ABI3BP: variants seen among roughly 807,000 people sequenced by gnomAD.
The protein encoded by ABI3BP is target of Nesh-SH3.
Under a neutral mutation model 268.6 loss-of-function variants are expected in ABI3BP, and 216 were observed. The observed-to-expected ratio is 0.80, with a 90% CI of 0.72 to 0.90. The LOEUF is 0.90. Among genes scored for constraint, ABI3BP ranks in the 40% least tolerant of loss-of-function variants. The probability of loss-of-function intolerance (pLI) is 0.00; values close to 1 mark genes in which losing one functional copy is unlikely to be tolerated. For missense variants in ABI3BP, 2,090 were observed against 2,182.4 expected (o/e 0.96, Z 0.84); for synonymous variants, 730 against 730.0 (o/e 1.00, Z 0.00).
intron 20 of ABI3BP, among the ~76,000 whole-genome samples, chr3:100,842,472 C>T (rs889337138): frequency 1.3e-5 from 2 of 152,150 alleles, no homozygotes; most frequent in Admixed American, 6.5e-5. Flanking sequence ...CTGGACCTGA[C>T]GTTCTCTCAC....
At chr3:100,880,148 T>C (rs1041305593) in intron 6 of ABI3BP, among the ~76,000 whole-genome samples, 6 of 152,232 alleles carry the variant, frequency 3.9e-5, no homozygotes, top group Non-Finnish European at 5.9e-5. Flanking sequence ...CAGCTATTAA[T>C]GTACATCAGA....
intron 53 of ABI3BP, among the ~76,000 whole-genome samples, chr3:100,795,228 C>T (rs891549893): frequency 1.3e-5 from 2 of 152,034 alleles, no homozygotes; most frequent in Non-Finnish European, 2.9e-5. Context: ...TTGAACCAAT[C>T]CATCAGAATG....
chr3:100,838,528 A>G, intron 24 of ABI3BP, 64 bp from the exon 25 acceptor site: 2 of 1,278,988 alleles, frequency 1.6e-6, no homozygotes, highest in Non-Finnish European at 2.2e-6. Flanking sequence ...AATTAAGGAC[A>G]ATTATGCAGA....
At chr3:100,876,412 A>T in intron 7 of ABI3BP, 100 bp downstream of exon 7, 1 of 1,107,282 alleles carries the variant, frequency 9.0e-7, no homozygotes, top group Non-Finnish European at 1.3e-6. Context: ...CAAAAAAAAA[A>T]TCAATTAAAA....
At chr3:100,926,944 A>T (rs767492864) in intron 1 of ABI3BP, among the ~76,000 whole-genome samples, 15 of 152,148 alleles carry the variant, frequency 9.9e-5, no homozygotes, top group Admixed American at 5.9e-4. Context: ...TTTTTGTCTT[A>T]GGGATAACTG....
intron 1 of ABI3BP, among the ~76,000 whole-genome samples, chr3:100,984,420 A>C: frequency 6.6e-6 from 1 of 152,186 alleles, no homozygotes; most frequent in East Asian, 1.9e-4. Flanking sequence ...AAGATGCTTG[A>C]AGTGGGTGAA....
intron 14 of ABI3BP, among the ~76,000 whole-genome samples, chr3:100,853,491 C>T (rs538547121): frequency 1.1e-4 from 17 of 152,206 alleles, no homozygotes; most frequent in Non-Finnish European, 2.4e-4. Context: ...AATCCTCTCA[C>T]ACTAGGTAAG....
At chr3:100,909,491 G>C (rs2055224996) in intron 2 of ABI3BP, among the ~76,000 whole-genome samples, 1 of 152,040 alleles carries the variant, frequency 6.6e-6, no homozygotes, top group Admixed American at 6.6e-5. Flanking sequence ...CTACAGAATG[G>C]GAGAAAGTTT....
chr3:100,922,553 T>TGATGGTGATGGTGATGGC lies in ABI3BP; in HGVS notation c.259+3748_259+3749insGCCATCACCATCACCATC, dbSNP rs1554130231. On this transcript the variant is annotated intron_variant, in intron 2 of 67. Coordinates refer to ENST00000471714, the MANE Select transcript of ABI3BP (RefSeq NM_001375547.2). ...GTGATGGTGATGGTGATGGTGATGG[T>TGATGGTGATGGTGATGGC]GATGGCGATGGCGATGGCGATGGTG... Among the ~76,000 whole-genome samples the TGATGGTGATGGTGATGGC allele has an allele frequency of 4.1e-3, 592 of 146,154 alleles. 3 individuals are homozygous for TGATGGTGATGGTGATGGC. Among genetic ancestry groups the TGATGGTGATGGTGATGGC allele is most frequent in the African/African-American group, 0.015 (563 of 37,926 alleles).
chr3:100,887,554 A>G (rs1329411308), intron 4 of ABI3BP, among the ~76,000 whole-genome samples: 1 of 152,046 alleles, frequency 6.6e-6, no homozygotes, highest in Non-Finnish European at 1.5e-5. Context: ...TTAATTAAAC[A>G]CTGAATTAAT....
intron 14 of ABI3BP, among the ~76,000 whole-genome samples, chr3:100,861,575 C>T (rs116827827): frequency 0.029 from 4,397 of 152,072 alleles, 87 homozygotes; most frequent in Middle Eastern, 0.054. Context: ...ATGCTGAATA[C>T]GCACTTTAGT....
At chr3:100,888,250 T>C (rs969139560) in intron 4 of ABI3BP, among the ~76,000 whole-genome samples, 1 of 152,132 alleles carries the variant, frequency 6.6e-6, no homozygotes, top group Non-Finnish European at 1.5e-5. Context: ...ACAAATGTTA[T>C]ATTATTGAAT....
chr3:100,904,131 A>T (rs2051943666), intron 2 of ABI3BP, among the ~76,000 whole-genome samples: 1 of 152,122 alleles, frequency 6.6e-6, no homozygotes, highest in Non-Finnish European at 1.5e-5. Context: ...AGAACCTTAT[A>T]TTCATAACTT....
intron 63 of ABI3BP, among the ~76,000 whole-genome samples, chr3:100,763,865 A>G (rs1415829271): frequency 6.6e-6 from 1 of 152,220 alleles, no homozygotes; most frequent in Non-Finnish European, 1.5e-5. Flanking sequence ...CTGTTGCTCA[A>G]TATAAACAGG....
intron 1 of ABI3BP, among the ~76,000 whole-genome samples, chr3:100,950,878 A>AAC (rs1301154443): frequency 6.6e-6 from 1 of 151,842 alleles, no homozygotes; most frequent in African/African-American, 2.4e-5. Context: ...GTAATGGGAC[A>AAC]ACCTGTTTTA....
chr3:100,832,650 T>C (rs1226718637), intron 30 of ABI3BP, among the ~76,000 whole-genome samples: 1 of 152,038 alleles, frequency 6.6e-6, no homozygotes, highest in African/African-American at 2.4e-5. Context: ...GTGAGAGAGG[T>C]TCTAACCAAC....
intron 4 of ABI3BP, among the ~76,000 whole-genome samples, chr3:100,894,937 T>TAAAAAAAAAA (rs1375517243): frequency 1.5e-4 from 1 of 6,664 alleles, no homozygotes; most frequent in Non-Finnish European, 3.3e-4. Context: ...GGATTCCGCT[T>TAAAAAAAAAA]CAAAAAAAAA....
rs150724267 is a variant in ABI3BP, at chr3:100,830,221, C to T, written c.2458+357G>A. On this transcript the variant is annotated intron_variant, in intron 32 of 67. Coordinates refer to ENST00000471714, the MANE Select transcript of ABI3BP (RefSeq NM_001375547.2). ...GATCTGCAAGAGAACTATGTCACAC[C>T]GTAATAGCTGTGCCGATTTACTCAG... Among the ~76,000 whole-genome samples the T allele has an allele frequency of 3.9e-3, 526 of 136,554 alleles. 6 individuals are homozygous for T. Among genetic ancestry groups the T allele is most frequent in the Non-Finnish European group, 5.5e-3 (355 of 64,966 alleles). 89.6% of individuals were successfully genotyped at this position (136,554 alleles called of 152,430 possible).
intron 1 of ABI3BP, among the ~76,000 whole-genome samples, chr3:100,960,009 CAA>C (rs1344487388): frequency 1.3e-5 from 2 of 152,144 alleles, no homozygotes; most frequent in Non-Finnish European, 2.9e-5. Flanking sequence ...AACACACTGT[CAA>C]GAGACAAATC....
Sources: gnomAD v4.1 joint callset for allele counts (sites outside exome capture counted in the v4.1 genomes callset) on GRCh38, gnomAD v4.1.1 for gene constraint, MANE v1.5 for transcripts, NCBI Gene and HGNC (gene_info 2026-07-23, HGNC 2026-07-21) for gene names.